Variants in VWF observed in about 807,000 individuals in gnomAD.
VWF encodes Factor VIII related antigen.
In VWF, 176 loss-of-function variants were observed where a neutral mutation model predicts 308.6. That is an observed-to-expected ratio of 0.57 (90% CI 0.50 to 0.65). The LOEUF is 0.65. VWF is among the 30% of genes least tolerant of loss of function. The probability of loss-of-function intolerance (pLI) is 0.00; values close to 1 mark genes in which losing one functional copy is unlikely to be tolerated. For synonymous variants in VWF, 1,385 were observed against 1,443.4 expected (o/e 0.96, Z 0.92); for missense variants, 3,146 against 3,648.2 (o/e 0.86, Z 3.55).
rs992274824 is a variant in VWF, at chr12:6,063,194, C to T, written c.1433-140G>A. 5.9e-5 allele frequency: 44 copies of T among 741,808 alleles called. No individual in the cohort carries two copies. Among genetic ancestry groups the T allele is most frequent in the Admixed American group, 1.8e-4 (9 of 49,418 alleles). 46.0% of individuals were successfully genotyped at this position (741,808 alleles called of 1,614,324 possible). Reference sequence around the variant, plus strand: ...AATGACTTAGGGGCAGATGGGGTGGCCATGAGGTTTAAGGGGGTGTCAGGA... The same window carrying T: ...AATGACTTAGGGGCAGATGGGGTGGTCATGAGGTTTAAGGGGGTGTCAGGA... On this transcript the variant is annotated intron_variant, in intron 12 of 51. Transcript: ENST00000261405. The surrounding 1 kb of genome is among the most constrained non-coding windows in gnomAD (Gnocchi z 4.9).
chr12:6,092,616 A>AGAGAGAGAGAGAGAGAGAGAGT (rs1555073710), intron 6 of VWF, among the ~76,000 whole-genome samples: 1 of 96,622 alleles, frequency 1.0e-5, no homozygotes, highest in African/African-American at 5.4e-5. Context: ...TGAGTGAGTG[A>AGAGAGAGAGAGAGAGAGAGAGT]GAGTGTGTGT....
intron 5 of VWF, chr12:6,095,846 A>C: frequency 2.3e-6 from 1 of 443,950 alleles, no homozygotes; most frequent in Non-Finnish European, 4.2e-6. Context: ...GTTGTCCCCC[A>C]CTCCCCAGGA....
intron 5 of VWF, among the ~76,000 whole-genome samples, chr12:6,105,429 T>C (rs957855677): frequency 9.2e-5 from 14 of 152,136 alleles, no homozygotes; most frequent in Admixed American, 3.3e-4. Flanking sequence ...GGGTTTCACA[T>C]GTTGGCCAGG....
Position 6,021,995 on chromosome 12 carries a change from A to G in VWF, c.3579T>C (p.Pro1193=), listed in dbSNP as rs16933969. The change falls in exon 27 of 52, where the codon CCT becomes CCC. Residue 1193 remains proline (P), a synonymous_variant. Coordinates refer to ENST00000261405, the MANE Select transcript of VWF (RefSeq NM_000552.5). The part of the protein sequence containing the change: ...LDELLQTCVD[P]EDCPVCEVAG... Reference sequence around the variant, plus strand: ...CCACCTCACACACTGGACAGTCTTCAGGGTCAACGCAGGTCTGCAAAAGCT... The same window carrying G: ...CCACCTCACACACTGGACAGTCTTCGGGGTCAACGCAGGTCTGCAAAAGCT... 19,714 of 1,614,118 alleles carry G rather than the reference A, an allele frequency of 0.012. 1,896 individuals carry two copies. The African/African-American group carries it at 0.22, about 18-fold the overall frequency.
intron 47 of VWF, among the ~76,000 whole-genome samples, chr12:5,954,300 G>C (rs1247471432): frequency 6.6e-6 from 1 of 152,242 alleles, no homozygotes; most frequent in Admixed American, 6.5e-5. Context: ...GGTTCTGGCT[G>C]TAGTTACGGC....
chr12:6,026,151 C>T (rs975427529), intron 22 of VWF, 105 bp from the exon 23 acceptor site: 128 of 1,536,874 alleles, frequency 8.3e-5, no homozygotes, highest in African/African-American at 1.1e-4. Flanking sequence ...AGAGGGCATT[C>T]GAGGAAGAGG....
In VWF at chr12:6,103,523, T is replaced by C. The variant is rs1321179567; in HGVS notation, c.532+6851A>G. 3.5e-5 allele frequency among the ~76,000 whole-genome samples: 5 copies of C among 140,904 alleles called. 1 individual carries two copies. The allele number at this position is 140,904 out of a possible 152,430, so 92.4% of individuals were successfully genotyped here. ...ACACACGTATATATATACACACATA[T>C]GTGTATATACACATATATGTATACA... On this transcript the variant is annotated intron_variant, in intron 5 of 51. Coordinates refer to ENST00000261405, the MANE Select transcript of VWF (RefSeq NM_000552.5).
chr12:6,105,589 A>AT (rs1565392001), intron 5 of VWF, among the ~76,000 whole-genome samples: 1 of 152,256 alleles, frequency 6.6e-6, no homozygotes, highest in African/African-American at 2.4e-5. Flanking sequence ...AAGAAATTGC[A>AT]TATCAAATTT....
chr12:6,093,609 C>G (rs1294750273), intron 6 of VWF, among the ~76,000 whole-genome samples: 1 of 152,234 alleles, frequency 6.6e-6, no homozygotes, highest in Non-Finnish European at 1.5e-5. Context: ...GATGATGAGT[C>G]TCTGAGCACA....
chr12:5,971,799 G>A (rs1397501712), intron 43 of VWF, 90 bp from the exon 44 acceptor site: 1 of 1,128,910 alleles, frequency 8.9e-7, no homozygotes, highest in Non-Finnish European at 1.3e-6. Context: ...GAGCCCTGGG[G>A]TTGTGCCAAG....
intron 5 of VWF, among the ~76,000 whole-genome samples, chr12:6,108,808 T>C (rs1026475729): frequency 1.7e-4 from 26 of 151,922 alleles, no homozygotes; most frequent in East Asian, 7.8e-4. Flanking sequence ...AGTGAAACCC[T>C]GTCTCTACTA....
intron 10 of VWF, among the ~76,000 whole-genome samples, chr12:6,070,839 T>G (rs1435897218): frequency 6.6e-6 from 1 of 152,220 alleles, no homozygotes; most frequent in Non-Finnish European, 1.5e-5. Context: ...TGACCTGGTT[T>G]TCCGAGCTCT....
In VWF at chr12:6,060,742, G is replaced by C. The variant is rs1428477995; in HGVS notation, c.1533+2212C>G. On this transcript the variant is annotated intron_variant, in intron 13 of 51. Transcript: ENST00000261405. The surrounding 1 kb of genome is among the most constrained non-coding windows in gnomAD (Gnocchi z 5.1). The stretch of plus-strand genomic sequence containing the variant: ...AGATAACCCTACATCCCCTCCCACA[G>C]AAAGAAGTTGGCTTCTCTTCTCCTC... Among the ~76,000 whole-genome samples the C allele has an allele frequency of 1.3e-5, 2 of 152,174 alleles. No individual in the cohort carries two copies. Among genetic ancestry groups the C allele is most frequent in the Admixed American group, 6.5e-5 (1 of 15,280 alleles).
chr12:5,983,432 T>TAGATAGATAGATAGAA (rs1187193416), intron 40 of VWF, among the ~76,000 whole-genome samples, 178 bp from the exon 41 acceptor site: 2 of 152,000 alleles, frequency 1.3e-5, no homozygotes, highest in African/African-American at 2.4e-5. Flanking sequence ...GATAGATAGA[T>TAGATAGATAGATAGAA]AGAATGATAA....
Position 5,948,942 on chromosome 12 carries a change from G to A in VWF, c.*73C>T, listed in dbSNP as rs1239176010. The A allele has an allele frequency of 1.4e-5, 22 of 1,521,736 alleles. No homozygotes were observed. The East Asian group carries it at 4.6e-4, about 32-fold the overall frequency. The allele number at this position is 1,521,736 out of a possible 1,614,324, so 94.3% of individuals were successfully genotyped here. On this transcript the variant is annotated 3_prime_UTR_variant, in exon 52 of 52. Coordinates refer to ENST00000261405, the MANE Select transcript of VWF (RefSeq NM_000552.5). This position sits in a 1 kb window ranked among gnomAD's most constrained non-coding sequence, Gnocchi z 4.4. Reference sequence around the variant, plus strand: ...AGGGCACAAGAGCAGAACATGCAGAGGACTGGCAGCACTCTGGCCTGGCCA... The same window carrying A: ...AGGGCACAAGAGCAGAACATGCAGAAGACTGGCAGCACTCTGGCCTGGCCA...
chr12:5,975,994 C>T lies in VWF; in HGVS notation c.7437+117G>A, dbSNP rs555894106. 95 of 1,436,196 alleles carry T rather than the reference C, an allele frequency of 6.6e-5. No homozygotes were observed. In the African/African-American group the frequency reaches 7.0e-4, roughly 11 times the overall value. The allele number at this position is 1,436,196 out of a possible 1,614,324, so 89.0% of individuals were successfully genotyped here. A position where few individuals can be genotyped will look rare whatever the true frequency, so the allele number is the denominator to read the frequency against. ...TTGTGCCACTGCACTCCAGCCTGGG[C>T]GACAGAGCGAGTCTCCATTTCAAAA... is the stretch of plus-strand genomic sequence containing the variant. On this transcript the variant is annotated intron_variant, in intron 43 of 51. Transcript: ENST00000261405.
At chr12:5,990,586 G>T (rs1195140201) in intron 38 of VWF, among the ~76,000 whole-genome samples, 1 of 152,058 alleles carries the variant, frequency 6.6e-6, no homozygotes, top group East Asian at 1.9e-4. Flanking sequence ...GAAGACATTA[G>T]GTCTTGAGTG....
At chr12:6,118,734 C>A (rs1379496186) in intron 3 of VWF, among the ~76,000 whole-genome samples, 4 of 152,126 alleles carry the variant, frequency 2.6e-5, no homozygotes, top group Non-Finnish European at 5.9e-5. Flanking sequence ...CACTGACAAC[C>A]CCAGAGCCAT....
chr12:6,114,655 C>T (rs913002364), intron 3 of VWF, among the ~76,000 whole-genome samples: 8 of 152,136 alleles, frequency 5.3e-5, no homozygotes, highest in Non-Finnish European at 2.9e-5. Context: ...GGGACTCAAG[C>T]GAGTGCTGTT....
Sources: allele counts gnomAD v4.1 joint callset (sites outside exome capture counted in the v4.1 genomes callset), GRCh38; gene constraint gnomAD v4.1.1; non-coding constraint Gnocchi (gnomAD v3.1); transcripts MANE v1.5; gene names NCBI Gene and HGNC (gene_info 2026-07-23, HGNC 2026-07-21).